Variants in PCDHA9 observed in about 807,000 individuals in gnomAD.
PCDHA9 encodes the protein protocadherin alpha-9.
In PCDHA9, 62 loss-of-function variants were observed where a neutral mutation model predicts 62.0. That is an observed-to-expected ratio of 1.00 (90% CI 0.81 to 1.23). The LOEUF (loss-of-function observed/expected upper bound fraction) is 1.23. Among genes scored for constraint, PCDHA9 ranks in the 50% most tolerant of loss-of-function variants. PCDHA9 has a pLI of 0.00. For synonymous variants in PCDHA9, 557 were observed against 567.6 expected (o/e 0.98, Z 0.27); for missense variants, 1,205 against 1,249.8 (o/e 0.96, Z 0.54).
At chr5:140,919,674 G>C (rs1554199207) in intron 1 of PCDHA9, among the ~76,000 whole-genome samples, 1 of 151,886 alleles carries the variant, frequency 6.6e-6, no homozygotes, top group Non-Finnish European at 1.5e-5. Context: ...TTAGCTTATT[G>C]GTATCTGCTT....
chr5:140,851,165 G>T, intron 1 of PCDHA9: 1 of 1,284,508 alleles, frequency 7.8e-7, no homozygotes, highest in Non-Finnish European at 1.0e-6. Flanking sequence ...ATGCTATGCT[G>T]CCATAACACT....
At chr5:140,993,078 A>G (rs1373767899) in intron 3 of PCDHA9, among the ~76,000 whole-genome samples, 2 of 152,212 alleles carry the variant, frequency 1.3e-5, no homozygotes, top group Non-Finnish European at 2.9e-5. Flanking sequence ...GCAGTCTGCA[A>G]TCAGCAGGGC....
rs2098419648 is a variant in PCDHA9 at position 141,011,160 on chromosome 5, A to AT, written c.*1224dup. The AT allele has an allele frequency of 6.5e-6, 1 of 153,706 alleles. No homozygotes were observed. The highest frequency in any genetic ancestry group is 2.4e-5 in the African/African-American group (1 of 41,436). 9.5% of individuals were successfully genotyped at this position (153,706 alleles called of 1,614,324 possible). A position where few individuals can be genotyped will look rare whatever the true frequency, so the allele number is the denominator to read the frequency against. ...TACACAACCTTCTCTAACCAACTAT[A>AT]TATCAAGACCCAAAAATTGAAGAAA... On this transcript the variant is annotated 3_prime_UTR_variant, in exon 4 of 4. Coordinates refer to ENST00000532602, the MANE Select transcript of PCDHA9 (RefSeq NM_031857.2).
intron 3 of PCDHA9, among the ~76,000 whole-genome samples, chr5:141,000,226 G>A (rs2097897321): frequency 6.6e-6 from 1 of 151,546 alleles, no homozygotes; most frequent in Non-Finnish European, 1.5e-5. Context: ...TGCCTGTGTG[G>A]AGCTGAATGT....
At chr5:140,891,452 TG>T (rs2063116437) in intron 1 of PCDHA9, among the ~76,000 whole-genome samples, 1 of 150,254 alleles carries the variant, frequency 6.7e-6, no homozygotes, top group Non-Finnish European at 1.5e-5. Flanking sequence ...ATAGGATTTT[TG>T]AATTTGTGAA....
intron 1 of PCDHA9, among the ~76,000 whole-genome samples, chr5:140,915,048 C>T (rs782399136): frequency 2.0e-5 from 3 of 151,284 alleles, no homozygotes; most frequent in East Asian, 1.9e-4. Context: ...TGGGTTCAAG[C>T]GATTCTCCTG....
chr5:140,963,348 T>C (rs1415746589), intron 1 of PCDHA9, among the ~76,000 whole-genome samples: 7 of 152,234 alleles, frequency 4.6e-5, no homozygotes, highest in Admixed American at 4.6e-4. Context: ...GTAAATTTAG[T>C]TCTTTTCAAA....
intron 1 of PCDHA9, chr5:140,926,544 C>G (rs9765406): frequency 0.16 from 35,740 of 221,378 alleles, 3,305 homozygotes; most frequent in African/African-American, 0.26. Context: ...GCGTGGTGGT[C>G]GAGACCCCAG....
chr5:140,993,694 T>C (rs1192686372), intron 3 of PCDHA9, among the ~76,000 whole-genome samples: 1 of 152,186 alleles, frequency 6.6e-6, no homozygotes, highest in African/African-American at 2.4e-5. Flanking sequence ...TCCCATAAGA[T>C]TGTAATACCA....
intron 1 of PCDHA9, among the ~76,000 whole-genome samples, chr5:140,958,652 G>C (rs991773774): frequency 6.6e-6 from 1 of 152,030 alleles, no homozygotes; most frequent in East Asian, 1.9e-4. Context: ...ATCACAGAAA[G>C]CTATGATGAA....
At chr5:140,924,395 G>C (rs919795787) in intron 1 of PCDHA9, among the ~76,000 whole-genome samples, 1 of 152,024 alleles carries the variant, frequency 6.6e-6, no homozygotes, top group East Asian at 1.9e-4. Context: ...TACTTATATT[G>C]CCTTATATCA....
intron 1 of PCDHA9, among the ~76,000 whole-genome samples, chr5:140,872,990 A>G (rs987650775): frequency 1.1e-4 from 17 of 152,184 alleles, no homozygotes; most frequent in African/African-American, 3.6e-4. Flanking sequence ...AAGATCATTT[A>G]CTTCTGAGTC....
At chr5:140,967,236 T>C (rs142898054) in intron 1 of PCDHA9, 53 of 1,613,562 alleles carry the variant, frequency 3.3e-5, no homozygotes, top group Non-Finnish European at 4.2e-5. Context: ...CAGCTTCAGG[T>C]AAGCGAATCG....
At chr5:140,934,563 T>A (rs1017456946) in intron 1 of PCDHA9, among the ~76,000 whole-genome samples, 1 of 152,212 alleles carries the variant, frequency 6.6e-6, no homozygotes, top group African/African-American at 2.4e-5. Flanking sequence ...TTCTTTTTTT[T>A]AATTAATTGT....
chr5:140,914,944 CTTTTTT>C (rs35695909), intron 1 of PCDHA9, among the ~76,000 whole-genome samples: 1 of 128,266 alleles, frequency 7.8e-6, no homozygotes, highest in Non-Finnish European at 1.7e-5. Flanking sequence ...GAAAAGTTGT[CTTTTTT>C]TTTTTTTTTT....
intron 2 of PCDHA9, 93 bp downstream of exon 2, chr5:140,979,100 A>C (rs1325676942): frequency 6.5e-7 from 1 of 1,545,710 alleles, no homozygotes; most frequent in African/African-American, 1.4e-5. Context: ...CAGCTGTCAA[A>C]ACTAAAAAGC....
rs1417352469 is a variant in PCDHA9 at position 140,875,131 on chromosome 5, G to A, written c.2394+24242G>A. ...AATATCATGTATATTAACTAAACCC[G>A]CATTTATAAATGATCCGTGAAAAAT... On this transcript the variant is annotated intron_variant, in intron 1 of 3. Coordinates refer to ENST00000532602, the MANE Select transcript of PCDHA9 (RefSeq NM_031857.2). Among the ~76,000 whole-genome samples, 5 of 152,228 alleles carry A rather than the reference G, an allele frequency of 3.3e-5. No individual in the cohort carries two copies. The East Asian group carries it at 9.6e-4, about 29-fold the overall frequency.
At position 140,912,741 on chromosome 5, in the gene PCDHA9, C is replaced by T. The variant is rs371215646; in HGVS notation, c.2394+61852C>T. Among the ~76,000 whole-genome samples the T allele has an allele frequency of 2.1e-3, 323 of 152,182 alleles. 1 individual carries two copies. Among genetic ancestry groups the T allele is most frequent in the African/African-American group, 7.6e-3 (315 of 41,526 alleles). ...ATTCAATATGATGTTGGCTGTGGGT[C>T]TGTCATAGATGGCTTTTATTACTTT... On this transcript the variant is annotated intron_variant, in intron 1 of 3. Transcript: ENST00000532602.
intron 1 of PCDHA9, among the ~76,000 whole-genome samples, chr5:140,935,338 T>C (rs2090317634): frequency 1.3e-5 from 2 of 152,364 alleles, no homozygotes; most frequent in African/African-American, 4.8e-5. Context: ...ATTTCTCCCA[T>C]ACGTCAAATC....
Sources: gnomAD v4.1 joint callset for allele counts (sites outside exome capture counted in the v4.1 genomes callset) on GRCh38, gnomAD v4.1.1 for gene constraint, MANE v1.5 for transcripts, NCBI Gene and HGNC (gene_info 2026-07-23, HGNC 2026-07-21) for gene names.